Variants in ITGA5 observed in about 807,000 individuals in gnomAD.
ITGA5 encodes the protein integrin subunit alpha 5.
A neutral mutation model predicts 146.3 loss-of-function variants in ITGA5; 55 were observed. That is an observed-to-expected ratio of 0.38 (90% CI 0.30 to 0.47). The LOEUF is 0.47. ITGA5 is among the 20% of genes least tolerant of loss of function. ITGA5 has a pLI of 0.99. For missense variants in ITGA5, 1,131 were observed against 1,329.0 expected (o/e 0.85, Z 2.32); for synonymous variants, 500 against 531.8 (o/e 0.94, Z 0.82).
At chr12:54,415,116 C>G (rs912758323) in intron 1 of ITGA5, among the ~76,000 whole-genome samples, 15 of 151,786 alleles carry the variant, frequency 9.9e-5, no homozygotes, top group Non-Finnish European at 1.5e-4. Context: ...CCATTGCATC[C>G]CAGACTGGGC....
chr12:54,399,939 G>A lies in ITGA5; in HGVS notation c.2652C>T (p.Pro884=), dbSNP rs1286757499. 24 of 1,613,514 alleles carry A rather than the reference G, an allele frequency of 1.5e-5. No homozygotes were observed. Among genetic ancestry groups the A allele is most frequent in the Non-Finnish European group, 1.6e-5 (19 of 1,179,534 alleles). ...PINPKGLELD[P]EGSLHHQQKR... ...TTTGCTGGTGGTGCAGGGAACCCTC[G>A]GGATCCAACTATAAAAGAAAGTGTT... is the stretch of plus-strand genomic sequence containing the variant. Residue 884 remains proline (P), a synonymous_variant, in exon 26 of 30, where the codon CCC becomes CCT. Coordinates refer to ENST00000293379, the MANE Select transcript of ITGA5 (RefSeq NM_002205.5).
rs540180413 is a variant in ITGA5, at chr12:54,408,587, G to A, written c.691+169C>T. 1.7e-4 allele frequency among the ~76,000 whole-genome samples: 26 copies of A among 151,964 alleles called. No homozygotes were observed. The South Asian group carries it at 4.6e-3, about 27-fold the overall frequency. ...CTAAAATTACAAAAATTAGCCAGGC[G>A]CGGTGGCAGGCGCCTGTAATCCCAG... On this transcript the variant is annotated intron_variant, in intron 6 of 29. Transcript: ENST00000293379.
chr12:54,405,429 C>A, intron 11 of ITGA5, 55 bp from the exon 12 acceptor site: 1 of 1,383,798 alleles, frequency 7.2e-7, no homozygotes, highest in Admixed American at 2.1e-5. Flanking sequence ...CACCCCACCC[C>A]AATCCTAGTG....
chr12:54,409,833 C>G lies in ITGA5; in HGVS notation c.350-236G>C. The G allele has an allele frequency of 2.4e-6, 1 of 418,732 alleles. No homozygotes were observed. The allele number at this position is 418,732 out of a possible 1,614,324, so 25.9% of individuals were successfully genotyped here. A position where few individuals can be genotyped will look rare whatever the true frequency, so the allele number is the denominator to read the frequency against. On this transcript the variant is annotated intron_variant, in intron 2 of 29. Transcript: ENST00000293379. The surrounding 1 kb of genome is among the most constrained non-coding windows in gnomAD (Gnocchi z 4.7). ...ATACACACACACACATACATACACACGCACGCACACGCACACAGAACCTGG... is the reference window on the plus strand; with the variant it reads ...ATACACACACACACATACATACACAGGCACGCACACGCACACAGAACCTGG...
In ITGA5 at chr12:54,403,133, C is replaced by A. The variant is rs1219126253; in HGVS notation, c.1914+54G>T. On this transcript the variant is annotated intron_variant, in intron 18 of 29. Coordinates refer to ENST00000293379, the MANE Select transcript of ITGA5 (RefSeq NM_002205.5). This position sits in a 1 kb window ranked among gnomAD's most constrained non-coding sequence, Gnocchi z 4.9. ...TCTTCTCTTTCCATGGCCCTGCCCCCCCAATACCCAGGCCTCTGTCTTCCC... is the reference window on the plus strand; with the variant it reads ...TCTTCTCTTTCCATGGCCCTGCCCCACCAATACCCAGGCCTCTGTCTTCCC... 1.3e-6 allele frequency: 2 copies of A among 1,596,858 alleles called. No homozygotes were observed. The highest frequency in any genetic ancestry group is 8.5e-7 in the Non-Finnish European group (1 of 1,171,706).
At chr12:54,411,326 A>T (rs947169320) in intron 2 of ITGA5, among the ~76,000 whole-genome samples, 1 of 152,236 alleles carries the variant, frequency 6.6e-6, no homozygotes, top group Non-Finnish European at 1.5e-5. Flanking sequence ...GTGAACTAAT[A>T]TATGTAAAGT....
rs1045823089 is a variant in ITGA5 at position 54,403,801 on chromosome 12, G to T, written c.1622-22C>A. On this transcript the variant is annotated intron_variant, in intron 16 of 29. Transcript: ENST00000293379. The surrounding 1 kb of genome is among the most constrained non-coding windows in gnomAD (Gnocchi z 4.9). The stretch of plus-strand genomic sequence containing the variant: ...AAACCTGAAGCCAGGGACATATAAA[G>T]GGAAACTGCCTGTCTTTCCTCATCT... 1.9e-6 allele frequency: 3 copies of T among 1,612,458 alleles called. No homozygotes were observed. Among genetic ancestry groups the T allele is most frequent in the African/African-American group, 1.3e-5 (1 of 74,884 alleles).
chr12:54,399,997 G>T, intron 25 of ITGA5, 50 bp from the exon 26 acceptor site: 1 of 1,362,152 alleles, frequency 7.3e-7, no homozygotes, highest in Non-Finnish European at 1.1e-6. Flanking sequence ...CAGCTTCTAA[G>T]TCAGCTTGCA....
Position 54,419,105 on chromosome 12 carries a change from G to GCAGCAA in ITGA5, c.88_93dup (p.Leu32_Leu33dup), listed in dbSNP as rs765670714. ...CCGACCCTGGGTGGCGGCGGCAGCA[G>GCAGCAA]CAGCAACAGCAGCGGCAGCAGCGGG... On this transcript the variant is annotated inframe_insertion, in exon 1 of 30. Transcript: ENST00000293379. 6 of 1,590,488 alleles carry GCAGCAA rather than the reference G, an allele frequency of 3.8e-6. No individual in the cohort carries two copies. The highest frequency in any genetic ancestry group is 1.7e-4 in the Middle Eastern group (1 of 5,756).
intron 1 of ITGA5, among the ~76,000 whole-genome samples, chr12:54,417,579 G>A (rs1956022793): frequency 1.3e-5 from 2 of 152,090 alleles, no homozygotes; most frequent in African/African-American, 4.8e-5. Flanking sequence ...CCAGACAAAG[G>A]AGAATTTGCC....
At chr12:54,407,380 C>CAGG (rs1178452630) in intron 9 of ITGA5, 2 of 506,444 alleles carry the variant, frequency 3.9e-6, no homozygotes, top group Non-Finnish European at 7.1e-6. Context: ...TGCATTTTCT[C>CAGG]ATTTCATCCT....
At position 54,402,228 on chromosome 12, in the gene ITGA5, G is replaced by T; in HGVS notation, c.2085C>A (p.Val695=). 1.2e-6 allele frequency: 2 copies of T among 1,614,078 alleles called. No individual in the cohort carries two copies. Among genetic ancestry groups the T allele is most frequent in the Non-Finnish European group, 1.7e-6 (2 of 1,179,992 alleles). The change falls in exon 20 of 30, where the codon GTC becomes GTA. Residue 695 remains valine, a synonymous_variant. Coordinates refer to ENST00000293379, the MANE Select transcript of ITGA5 (RefSeq NM_002205.5). ...EGGAYEAELR[V]TAPPEAEYSG... ...AGTACTCAGCCTCTGGAGGGGCGGTGACCCGAAGCTCAGCCTCATAGGCGC... is the reference window on the plus strand; with the variant it reads ...AGTACTCAGCCTCTGGAGGGGCGGTTACCCGAAGCTCAGCCTCATAGGCGC...
intron 1 of ITGA5, chr12:54,412,206 C>T (rs976567580): frequency 5.1e-6 from 2 of 388,668 alleles, no homozygotes; most frequent in Non-Finnish European, 9.3e-6. Context: ...TCTGTCCTCT[C>T]CTACCTTATC....
rs749393827 is a variant in ITGA5 at position 54,403,766 on chromosome 12, T to C, written c.1635A>G (p.Glu545=). The change falls in exon 17 of 30, where the codon GAA becomes GAG. Residue 545 remains glutamate, a synonymous_variant. Transcript: ENST00000293379. This position sits in a 1 kb window ranked among gnomAD's most constrained non-coding sequence, Gnocchi z 4.9. ...TCTGCTTCTGCCAGTCCAGCTGAAG[T>C]TCCACTGTGAAACCTGAAGCCAGGG... ...HVADSIGFTV[E]LQLDWQKQKG... The C allele has an allele frequency of 6.2e-7, 1 of 1,614,106 alleles. No homozygotes were observed. Among genetic ancestry groups the C allele is most frequent in the Non-Finnish European group, 8.5e-7 (1 of 1,179,970 alleles).
At chr12:54,412,927 C>T (rs1317586234) in intron 1 of ITGA5, among the ~76,000 whole-genome samples, 3 of 152,188 alleles carry the variant, frequency 2.0e-5, no homozygotes, top group Non-Finnish European at 4.4e-5. Flanking sequence ...GACCAGTGCT[C>T]CTGCCAGCCT....
chr12:54,401,536 A>G lies in ITGA5; in HGVS notation c.2387+49T>C. 1 of 1,606,914 alleles carries G rather than the reference A, an allele frequency of 6.2e-7. No individual in the cohort carries two copies. The highest frequency in any genetic ancestry group is 8.5e-7 in the Non-Finnish European group (1 of 1,173,764). On this transcript the variant is annotated intron_variant, in intron 23 of 29. Transcript: ENST00000293379. The surrounding 1 kb of genome is among the most constrained non-coding windows in gnomAD (Gnocchi z 5.0). ...AGGAACCCCATATGCATCCTTCCCT[A>G]GAAGTCTGTGTCCCCTCTCAGAAAG... is the stretch of plus-strand genomic sequence containing the variant.
rs373656208 is a variant in ITGA5 at position 54,403,784 on chromosome 12, A to G, written c.1622-5T>C. ...GCTGAAGTTCCACTGTGAAACCTGA[A>G]GCCAGGGACATATAAAGGGAAACTG... On this transcript the variant is annotated splice_region_variant and splice_polypyrimidine_tract_variant and intron_variant, in intron 16 of 29. Transcript: ENST00000293379. This position sits in a 1 kb window ranked among gnomAD's most constrained non-coding sequence, Gnocchi z 4.9. 3 of 1,613,600 alleles carry G rather than the reference A, an allele frequency of 1.9e-6. No homozygotes were observed. Among genetic ancestry groups the G allele is most frequent in the African/African-American group, 2.7e-5 (2 of 74,920 alleles).
rs369944661 is a variant in ITGA5, at chr12:54,403,006, A to G, written c.1959T>C (p.Pro653=). 16 of 1,614,026 alleles carry G rather than the reference A, an allele frequency of 9.9e-6. No individual in the cohort carries two copies. The highest frequency in any genetic ancestry group is 2.2e-5 in the South Asian group (2 of 91,080). Reference sequence around the variant, plus strand: ...ACCCAAACACTTCCAGCTGCAGGTCAGGCACACAGATGTTGTCTTCTCCAC... The same window carrying G: ...ACCCAAACACTTCCAGCTGCAGGTCGGGCACACAGATGTTGTCTTCTCCAC... ...LDCGEDNICV[P]DLQLEVFGEQ... is the part of the protein sequence containing the mutation. Residue 653 remains proline, a synonymous_variant, in exon 19 of 30, where the codon CCT becomes CCC. Coordinates refer to ENST00000293379, the MANE Select transcript of ITGA5 (RefSeq NM_002205.5). The surrounding 1 kb of genome is among the most constrained non-coding windows in gnomAD (Gnocchi z 4.9).
chr12:54,408,241 G>A lies in ITGA5; in HGVS notation c.692-6C>T. 1.2e-6 allele frequency: 2 copies of A among 1,614,064 alleles called. No individual in the cohort carries two copies. The highest frequency in any genetic ancestry group is 1.7e-6 in the Non-Finnish European group (2 of 1,180,006). On this transcript the variant is annotated splice_polypyrimidine_tract_variant and splice_region_variant and intron_variant, in intron 6 of 29. Transcript: ENST00000293379. Reference sequence around the variant, plus strand: ...AGTGGCAGACAGGATCTGGCCTGGAGAGAGTATGAAGAGGGAGTAGATGGA... The same window carrying A: ...AGTGGCAGACAGGATCTGGCCTGGAAAGAGTATGAAGAGGGAGTAGATGGA...
Sources: gnomAD v4.1 joint callset for allele counts (sites outside exome capture counted in the v4.1 genomes callset) on GRCh38, gnomAD v4.1.1 for gene constraint, Gnocchi (gnomAD v3.1) non-coding constraint, MANE v1.5 for transcripts, NCBI Gene and HGNC (gene_info 2026-07-23, HGNC 2026-07-21) for gene names.